ADAMTS17: variants seen among roughly 807,000 people sequenced by gnomAD.
The protein encoded by ADAMTS17 is A disintegrin and metalloproteinase with thrombospondin motifs 17.
Under a neutral mutation model 141.5 loss-of-function variants are expected in ADAMTS17, and 113 were observed. The observed-to-expected ratio is 0.80, with a 90% CI of 0.69 to 0.93. ADAMTS17 has a LOEUF of 0.93. Ranked by LOEUF, ADAMTS17 falls within the 40% of genes least tolerant of loss-of-function variation. ADAMTS17 has a pLI of 0.00. For missense variants in ADAMTS17, 1,659 were observed against 1,517.9 expected, an observed-to-expected ratio of 1.09 and a Z score of -1.54; for synonymous variants, 768 against 630.6, an observed-to-expected ratio of 1.22 and a Z score of -3.27.
intron 4 of ADAMTS17, among the ~76,000 whole-genome samples, chr15:100,267,391 G>A (rs1422707885): frequency 6.6e-6 from 1 of 152,162 alleles, no homozygotes; most frequent in Admixed American, 6.5e-5. Context: ...TGGACACCTT[G>A]GCTGTTTTTG....
intron 3 of ADAMTS17, among the ~76,000 whole-genome samples, chr15:100,324,292 G>A (rs1477018541): frequency 6.6e-6 from 1 of 152,072 alleles, no homozygotes. Flanking sequence ...GTGACAGAGT[G>A]AGACTCCGTC....
At chr15:100,033,561 C>T (rs73482774) in intron 18 of ADAMTS17, among the ~76,000 whole-genome samples, 1,735 of 152,298 alleles carry the variant, frequency 0.011, 38 homozygotes, top group African/African-American at 0.039. Context: ...GCCTGTCTCA[C>T]GTCATCTTCC....
intron 7 of ADAMTS17, among the ~76,000 whole-genome samples, chr15:100,239,360 C>T (rs572466969): frequency 2.0e-5 from 3 of 152,320 alleles, no homozygotes; most frequent in African/African-American, 4.8e-5. Flanking sequence ...TGAGGAGCGG[C>T]GCTGGTTGTG....
intron 3 of ADAMTS17, among the ~76,000 whole-genome samples, chr15:100,328,025 C>T (rs1398003134): frequency 6.6e-6 from 1 of 152,120 alleles, no homozygotes; most frequent in Admixed American, 6.5e-5. Context: ...TTAGACTTCT[C>T]CTCACCTACA....
chr15:100,205,921 G>GC (rs1189251455), intron 7 of ADAMTS17, among the ~76,000 whole-genome samples: 5 of 152,140 alleles, frequency 3.3e-5, no homozygotes, highest in Admixed American at 3.3e-4. Flanking sequence ...CCCAGGTCTG[G>GC]CCCCTCCAGA....
chr15:100,330,339 C>T (rs2046012667), intron 3 of ADAMTS17, among the ~76,000 whole-genome samples: 1 of 152,204 alleles, frequency 6.6e-6, no homozygotes, highest in Admixed American at 6.5e-5. Flanking sequence ...CCTGGAGGAC[C>T]CGTGAAACTA....
chr15:100,326,754 AC>A (rs1404820080), intron 3 of ADAMTS17, among the ~76,000 whole-genome samples: 2 of 152,208 alleles, frequency 1.3e-5, no homozygotes, highest in African/African-American at 4.8e-5. Context: ...ATCCAAGCCA[AC>A]CCACTTCAAA....
At chr15:100,259,291 G>A (rs908245644) in intron 6 of ADAMTS17, among the ~76,000 whole-genome samples, 1 of 152,176 alleles carries the variant, frequency 6.6e-6, no homozygotes, top group Non-Finnish European at 1.5e-5. Context: ...AAGGACTCTT[G>A]CTTGCTCCCT....
chr15:99,979,483 C>T lies in ADAMTS17; in HGVS notation c.2950-3261G>A, dbSNP rs564391177. On this transcript the variant is annotated intron_variant, in intron 20 of 21. Transcript: ENST00000268070. ...AAATGTGGTAGATGAAGGGAAAAGC[C>T]AACGTTCCCAATGCGGAACAAAGCC... 11 of 152,318 alleles carry T rather than the reference C, an allele frequency of 7.2e-5. No individual in the cohort carries two copies. The South Asian group carries it at 2.3e-3, about 32-fold the overall frequency. 9.4% of individuals were successfully genotyped at this position (152,318 alleles called of 1,614,324 possible).
At position 100,176,166 on chromosome 15, in the gene ADAMTS17, G is replaced by A. The variant is rs142061067; in HGVS notation, c.1182-20846C>T. 5.5e-4 allele frequency among the ~76,000 whole-genome samples: 84 copies of A among 152,312 alleles called. No individual in the cohort carries two copies. In the East Asian group the frequency reaches 0.015, roughly 27 times the overall value. On this transcript the variant is annotated intron_variant, in intron 8 of 21. Coordinates refer to ENST00000268070, the MANE Select transcript of ADAMTS17 (RefSeq NM_139057.4). ...TCTCCAATGGGAAAGGAGGCCTAAC[G>A]ACAGCAGTGAAGAAAGAAGAGTGGT...
At chr15:100,024,853 C>T (rs958574681) in intron 18 of ADAMTS17, among the ~76,000 whole-genome samples, 1 of 152,180 alleles carries the variant, frequency 6.6e-6, no homozygotes, top group Non-Finnish European at 1.5e-5. Context: ...TAGCACGTGA[C>T]CTTGACAAAT....
intron 9 of ADAMTS17, 108 bp downstream of exon 9, chr15:100,155,072 C>T: frequency 6.4e-7 from 1 of 1,558,888 alleles, no homozygotes; most frequent in East Asian, 2.3e-5. Context: ...GATGCAAATC[C>T]CAAAAGAGAG....
intron 7 of ADAMTS17, among the ~76,000 whole-genome samples, chr15:100,221,117 C>G (rs28402765): frequency 6.6e-6 from 1 of 152,020 alleles, no homozygotes; most frequent in Non-Finnish European, 1.5e-5. Context: ...TTTAATACCA[C>G]CAGTTTGACG....
intron 15 of ADAMTS17, among the ~76,000 whole-genome samples, chr15:100,086,871 T>C (rs1005111827): frequency 2.0e-5 from 3 of 152,060 alleles, no homozygotes; most frequent in African/African-American, 4.8e-5. Context: ...TAGCACTAAA[T>C]GCCCACAAGA....
intron 8 of ADAMTS17, among the ~76,000 whole-genome samples, chr15:100,169,010 T>TG (rs148630374): frequency 0.029 from 4,453 of 152,118 alleles, 168 homozygotes; most frequent in East Asian, 0.1. Flanking sequence ...AGCGCGGTGG[T>TG]GGTGGGGGCA....
At chr15:100,122,996 CCTT>C (rs1189485501) in intron 12 of ADAMTS17, among the ~76,000 whole-genome samples, 1 of 152,194 alleles carries the variant, frequency 6.6e-6, no homozygotes, top group Non-Finnish European at 1.5e-5. Flanking sequence ...GAAGGAGAAT[CCTT>C]GTGGGGGAGG....
chr15:100,059,446 A>T (rs1468300589), intron 15 of ADAMTS17, among the ~76,000 whole-genome samples: 1 of 145,950 alleles, frequency 6.9e-6, no homozygotes, highest in African/African-American at 2.7e-5. Context: ...CAGCAGAGCC[A>T]GGAGGCATAG....
intron 3 of ADAMTS17, among the ~76,000 whole-genome samples, chr15:100,292,854 T>C (rs545961521): frequency 1.3e-5 from 2 of 152,186 alleles, no homozygotes; most frequent in Non-Finnish European, 2.9e-5. Context: ...AGGTTTGTCA[T>C]TCTCTTCCAG....
intron 10 of ADAMTS17, among the ~76,000 whole-genome samples, chr15:100,149,678 G>A (rs1210627241): frequency 6.6e-6 from 1 of 152,076 alleles, no homozygotes; most frequent in Non-Finnish European, 1.5e-5. Flanking sequence ...TAGCCAAAAG[G>A]GGAATAACAC....
Sources: gnomAD v4.1 joint callset for allele counts (sites outside exome capture counted in the v4.1 genomes callset) on GRCh38, gnomAD v4.1.1 for gene constraint, MANE v1.5 for transcripts, NCBI Gene and HGNC (gene_info 2026-07-23, HGNC 2026-07-21) for gene names.